The following BRINP1 variants were observed in gnomAD, a reference collection of about 807,000 sequenced individuals.
The protein encoded by BRINP1 is BMP/retinoic acid inducible neural specific 1.
In BRINP1, 17 loss-of-function variants were observed where a neutral mutation model predicts 72.9. The observed-to-expected ratio is 0.23, with a 90% CI of 0.16 to 0.35. The LOEUF (loss-of-function observed/expected upper bound fraction) is 0.35, where lower values mean the gene tolerates loss of function less well. BRINP1 is among the 10% of genes least tolerant of loss of function. The pLI, the probability that BRINP1 is intolerant of heterozygous loss-of-function variation, is 1.00. For missense variants in BRINP1, 850 were observed against 1,001.6 expected, an observed-to-expected ratio of 0.85 and a Z score of 2.04; for synonymous variants, 418 against 378.5, an observed-to-expected ratio of 1.10 and a Z score of -1.21.
At chr9:119,252,326 C>T (rs1286207822) in intron 2 of BRINP1, among the ~76,000 whole-genome samples, 3 of 152,136 alleles carry the variant, frequency 2.0e-5, no homozygotes, top group Admixed American at 2.0e-4. Context: ...AGATTCCTGA[C>T]TCACAGAAAC....
In BRINP1 at chr9:119,181,542, C is replaced by T. The variant is rs1829557907; in HGVS notation, c.1146-13318G>A. Among the ~76,000 whole-genome samples, 3 of 152,170 alleles carry T rather than the reference C, an allele frequency of 2.0e-5. No homozygotes were observed. The South Asian group carries it at 6.2e-4, about 32-fold the overall frequency. Reference sequence around the variant, plus strand: ...AAGAGCTAGGATGGAATATGCAAAGCTCTAGAGAGATTTCCAGTGAAAAGA... The same window carrying T: ...AAGAGCTAGGATGGAATATGCAAAGTTCTAGAGAGATTTCCAGTGAAAAGA... On this transcript the variant is annotated intron_variant, in intron 7 of 7. Transcript: ENST00000265922.
chr9:119,317,964 T>C (rs1216343912), intron 1 of BRINP1, among the ~76,000 whole-genome samples: 2 of 152,250 alleles, frequency 1.3e-5, no homozygotes, highest in Non-Finnish European at 2.9e-5. Context: ...ATAAGTTTAA[T>C]ATGCAGTGGG....
intron 2 of BRINP1, among the ~76,000 whole-genome samples, chr9:119,301,853 C>T (rs965776387): frequency 6.6e-6 from 1 of 152,170 alleles, no homozygotes. Context: ...TCAACTGATG[C>T]TACTTTATTC....
chr9:119,344,637 C>A (rs965773655), intron 1 of BRINP1, among the ~76,000 whole-genome samples: 1 of 152,204 alleles, frequency 6.6e-6, no homozygotes, highest in Non-Finnish European at 1.5e-5. Flanking sequence ...CCAAGATGCT[C>A]TAGTTAAAAT....
At chr9:119,211,293 G>C (rs1829924334) in intron 6 of BRINP1, among the ~76,000 whole-genome samples, 1 of 152,044 alleles carries the variant, frequency 6.6e-6, no homozygotes, top group South Asian at 2.1e-4. Context: ...TGCCTCCCAG[G>C]TTCAAGCGAT....
At position 119,167,780 on chromosome 9, in the gene BRINP1, G is replaced by A; in HGVS notation, c.1590C>T (p.Ser530=). ...GGATGAAGTCCATGCGGTTCTTGTTGCTCTTGAGAGTGAGGGACATGCGCT... is the reference window on the plus strand; with the variant it reads ...GGATGAAGTCCATGCGGTTCTTGTTACTCTTGAGAGTGAGGGACATGCGCT... The part of the protein sequence containing the change: ...WRKRMSLTLK[S]NKNRMDFIHM... Residue 530 remains serine (S), a synonymous_variant, in exon 8 of 8, where the codon AGC becomes AGT. Coordinates refer to ENST00000265922, the MANE Select transcript of BRINP1 (RefSeq NM_014618.3). This position sits in a 1 kb window ranked among gnomAD's most constrained non-coding sequence, Gnocchi z 4.3. 1 of 1,614,134 alleles carries A rather than the reference G, an allele frequency of 6.2e-7. No individual in the cohort carries two copies. The highest frequency in any genetic ancestry group is 8.5e-7 in the Non-Finnish European group (1 of 1,180,046).
In BRINP1 at chr9:119,250,640, A is replaced by G. The variant is rs1365361772; in HGVS notation, c.219-1490T>C. On this transcript the variant is annotated intron_variant, in intron 2 of 7. Transcript: ENST00000265922. ...GTTCCCAGACATGTACATGTAAATC[A>G]TTAAAAGTTCACATACAGTAAACTT... is the stretch of plus-strand genomic sequence containing the variant. Among the ~76,000 whole-genome samples, 2 of 152,336 alleles carry G rather than the reference A, an allele frequency of 1.3e-5. 1 individual carries two copies. The highest frequency in any genetic ancestry group is 4.8e-5 in the African/African-American group (2 of 41,580).
At chr9:119,244,806 C>T (rs1830297455) in intron 3 of BRINP1, among the ~76,000 whole-genome samples, 1 of 152,220 alleles carries the variant, frequency 6.6e-6, no homozygotes, top group South Asian at 2.1e-4. Flanking sequence ...CAAATTGCCT[C>T]TTCGCCCCAC....
At chr9:119,334,817 C>T (rs1365209877) in intron 1 of BRINP1, among the ~76,000 whole-genome samples, 1 of 152,056 alleles carries the variant, frequency 6.6e-6, no homozygotes, top group Non-Finnish European at 1.5e-5. Context: ...GAGAATCATG[C>T]TCAATCTTGG....
At chr9:119,336,029 G>A (rs1213865772) in intron 1 of BRINP1, among the ~76,000 whole-genome samples, 1 of 152,194 alleles carries the variant, frequency 6.6e-6, no homozygotes, top group Admixed American at 6.5e-5. Context: ...AGGCTGACAT[G>A]TATGGGTAAA....
chr9:119,252,352 T>C (rs1315212094), intron 2 of BRINP1, among the ~76,000 whole-genome samples: 1 of 152,136 alleles, frequency 6.6e-6, no homozygotes, highest in African/African-American at 2.4e-5. Context: ...GATAATATTG[T>C]TTTAAGTCAC....
At chr9:119,205,180 C>T (rs1211376742) in intron 7 of BRINP1, among the ~76,000 whole-genome samples, 1 of 152,102 alleles carries the variant, frequency 6.6e-6, no homozygotes, top group Non-Finnish European at 1.5e-5. Flanking sequence ...GGAAGCGGCC[C>T]ACAGCCCGTC....
At chr9:119,358,446 C>T (rs1012961588) in intron 1 of BRINP1, among the ~76,000 whole-genome samples, 43 of 150,640 alleles carry the variant, frequency 2.9e-4, no homozygotes, top group African/African-American at 9.8e-4. Flanking sequence ...GTAATCCCAG[C>T]ACTTTGGGAG....
At chr9:119,207,213 G>A (rs539735605) in intron 7 of BRINP1, among the ~76,000 whole-genome samples, 8 of 152,046 alleles carry the variant, frequency 5.3e-5, no homozygotes, top group Non-Finnish European at 1.2e-4. Flanking sequence ...CAAGAAAAAC[G>A]AGAGAAAAAA....
chr9:119,287,516 TAC>T (rs1461065856), intron 2 of BRINP1, among the ~76,000 whole-genome samples: 1 of 152,148 alleles, frequency 6.6e-6, no homozygotes. Context: ...TACATCAGAA[TAC>T]AGAGTCTACT....
At chr9:119,183,322 T>C (rs547309113) in intron 7 of BRINP1, among the ~76,000 whole-genome samples, 1 of 152,138 alleles carries the variant, frequency 6.6e-6, no homozygotes, top group South Asian at 2.1e-4. Context: ...GAGCCACAAC[T>C]ACACAAAACA....
At chr9:119,306,333 G>A (rs1372007042) in intron 2 of BRINP1, among the ~76,000 whole-genome samples, 1 of 152,172 alleles carries the variant, frequency 6.6e-6, no homozygotes, top group East Asian at 1.9e-4. Context: ...ATTGGCACCA[G>A]ATGGCCCAGA....
rs540743981 is a variant in BRINP1, at chr9:119,257,350, C to T, written c.219-8200G>A. The stretch of plus-strand genomic sequence containing the variant: ...CATATAATGAAGCACTATTCATACA[C>T]GATTCATACAATAAGCAACAATAAA... On this transcript the variant is annotated intron_variant, in intron 2 of 7. Transcript: ENST00000265922. 1.2e-4 allele frequency among the ~76,000 whole-genome samples: 19 copies of T among 152,246 alleles called. No homozygotes were observed. In the South Asian group the frequency reaches 1.5e-3, roughly 12 times the overall value.
intron 4 of BRINP1, among the ~76,000 whole-genome samples, chr9:119,241,323 C>T (rs2118911370): frequency 6.6e-6 from 1 of 152,184 alleles, no homozygotes; most frequent in Non-Finnish European, 1.5e-5. Flanking sequence ...ATCAGCAAAC[C>T]ACAGAGTGCC....
Sources: gnomAD v4.1 joint callset for allele counts (sites outside exome capture counted in the v4.1 genomes callset) on GRCh38, gnomAD v4.1.1 for gene constraint, Gnocchi (gnomAD v3.1) non-coding constraint, MANE v1.5 for transcripts, NCBI Gene and HGNC (gene_info 2026-07-23, HGNC 2026-07-21) for gene names.